The following ACACA variants were observed in gnomAD, a reference collection of about 807,000 sequenced individuals.
The protein encoded by ACACA is acetyl-CoA carboxylase alpha.
A neutral mutation model predicts 296.1 loss-of-function variants in ACACA; 103 were observed. The observed-to-expected ratio is 0.35, with a 90% confidence interval of 0.30 to 0.41. The LOEUF is 0.41. ACACA is among the 10% of genes least tolerant of loss of function. The pLI, the probability that ACACA is intolerant of heterozygous loss-of-function variation, is 1.00. For missense variants in ACACA, 1,554 were observed against 2,989.7 expected (o/e 0.52, Z 11.20); for synonymous variants, 953 against 1,038.6 (o/e 0.92, Z 1.58).
intron 25 of ACACA, among the ~76,000 whole-genome samples, chr17:37,227,542 T>A (rs951335596): frequency 6.6e-6 from 1 of 151,796 alleles, no homozygotes; most frequent in African/African-American, 2.4e-5. Flanking sequence ...TGAGACCCCA[T>A]CTCTAAAAAT....
chr17:37,366,813 T>TGCG (rs1240793406), intron 1 of ACACA: 1 of 151,308 alleles, frequency 6.6e-6, no homozygotes, highest in Non-Finnish European at 1.5e-5. Flanking sequence ...CTGGGCCAGG[T>TGCG]GTGGTGGCTC....
At chr17:37,119,127 G>A (rs1435181230) in intron 50 of ACACA, among the ~76,000 whole-genome samples, 1 of 152,142 alleles carries the variant, frequency 6.6e-6, no homozygotes, top group Non-Finnish European at 1.5e-5. Context: ...AAGGAATTTG[G>A]GATCAAGTGA....
chr17:37,245,090 T>C lies in ACACA; in HGVS notation c.2585A>G (p.Lys862Arg), dbSNP rs2080627127. Residue 862 changes from lysine to arginine, a missense_variant, in exon 20 of 56, where the codon AAG (lysine) becomes AGG (arginine). Lys to Arg is a conservative substitution (Grantham distance 26). Coordinates refer to ENST00000616317, the MANE Select transcript of ACACA (RefSeq NM_198834.3). The part of the protein sequence containing the change: ...LAKMQLDNPS[K>R]VQQAELHTGS... ...CACCTTCCTACTCACCTGCTGAACCTTGCTGGGGTTGTCCAGTTGCATTTT... is the reference window on the plus strand; with the variant it reads ...CACCTTCCTACTCACCTGCTGAACCCTGCTGGGGTTGTCCAGTTGCATTTT... 6.2e-7 allele frequency: 1 copy of C among 1,614,102 alleles called. No homozygotes were observed. Among genetic ancestry groups the C allele is most frequent in the Non-Finnish European group, 8.5e-7 (1 of 1,180,024 alleles).
intron 10 of ACACA, among the ~76,000 whole-genome samples, chr17:37,268,991 T>C (rs1335025718): frequency 6.8e-6 from 1 of 147,468 alleles, no homozygotes. Flanking sequence ...CTTTTTTCTC[T>C]AGACTCTCTG....
At position 37,087,233 on chromosome 17, in the gene ACACA, T is replaced by C. The variant is rs1342045769; in HGVS notation, c.*83A>G. 1 of 1,591,634 alleles carries C rather than the reference T, an allele frequency of 6.3e-7. No homozygotes were observed. Among genetic ancestry groups the C allele is most frequent in the African/African-American group, 1.3e-5 (1 of 74,360 alleles). ...CTCCAGTGCTGGGTCTCCTGTGCCT[T>C]CTCATTACAGTGGTTACAGTTGTAA... On this transcript the variant is annotated 3_prime_UTR_variant, in exon 56 of 56. Coordinates refer to ENST00000616317, the MANE Select transcript of ACACA (RefSeq NM_198834.3).
At chr17:37,105,825 T>A (rs1461769040) in intron 52 of ACACA, among the ~76,000 whole-genome samples, 2 of 149,734 alleles carry the variant, frequency 1.3e-5, no homozygotes, top group Non-Finnish European at 3.0e-5. Context: ...GATCGTGCCA[T>A]TGCACTCCAG....
intron 24 of ACACA, 104 bp from the exon 25 acceptor site, chr17:37,235,203 G>T: frequency 1.4e-6 from 2 of 1,411,432 alleles, no homozygotes; most frequent in Non-Finnish European, 2.0e-6. Context: ...GCAGTGAGAA[G>T]AAACATCATA....
chr17:37,362,728 T>C (rs564685564), intron 1 of ACACA, among the ~76,000 whole-genome samples: 1 of 152,232 alleles, frequency 6.6e-6, no homozygotes, highest in South Asian at 2.1e-4. Flanking sequence ...CCCAGCACTT[T>C]GGGAGGCCGA....
At position 37,275,952 on chromosome 17, in the gene ACACA, A is replaced by G; in HGVS notation, c.900T>C (p.Ser300=). The change falls in exon 8 of 56, where the codon AGT becomes AGC. Residue 300 remains serine (S), a splice_region_variant and synonymous_variant. Transcript: ENST00000616317. ...TACAAACAAGAATTCAGTTCTTACC[A>G]CTGCCGCTCCAGGGAAGAGTTGGGA... is the stretch of plus-strand genomic sequence containing the variant. ...AGIPTLPWSG[S]GLRVDWQEND... The G allele has an allele frequency of 6.2e-7, 1 of 1,613,294 alleles. No homozygotes were observed. Among genetic ancestry groups the G allele is most frequent in the South Asian group, 1.1e-5 (1 of 91,066 alleles).
rs562914013 is a variant in ACACA, at chr17:37,259,264, T to A, written c.1500+96A>T. On this transcript the variant is annotated intron_variant, in intron 12 of 55. Coordinates refer to ENST00000616317, the MANE Select transcript of ACACA (RefSeq NM_198834.3). The stretch of plus-strand genomic sequence containing the variant: ...AAATGACCATTAGGTGTGACTCAGA[T>A]AGGAGGTGCTTTTCTCTTATCACAC... 3.0e-6 allele frequency: 4 copies of A among 1,348,294 alleles called. No individual in the cohort carries two copies. In the Admixed American group the frequency reaches 5.0e-5, roughly 17 times the overall value. 83.5% of individuals were successfully genotyped at this position (1,348,294 alleles called of 1,614,324 possible).
Position 37,240,496 on chromosome 17 carries a change from A to G in ACACA, c.3101T>C (p.Val1034Ala). 1 of 1,613,704 alleles carries G rather than the reference A, an allele frequency of 6.2e-7. No individual in the cohort carries two copies. The highest frequency in any genetic ancestry group is 1.3e-5 in the African/African-American group (1 of 75,004). ...CTTACCATTCTGGAATTGTGTCTCT[A>G]CTCGCAGGTACTGCCGGAGCAGATC... The part of the protein sequence containing the change: ...VMDLLRQYLR[V>A]ETQFQNGHYD... Residue 1034 changes from valine (V) to alanine (A), a missense_variant, in exon 24 of 56, where the codon GTA (valine) becomes GCA (alanine). By Grantham distance (64) the Val-to-Ala change is moderately conservative. This residue lies in a region of ACACA where 316 missense variants were observed against 540.9 expected (regional missense o/e 0.58). Transcript: ENST00000616317.
At chr17:37,203,483 C>T (rs944546070) in intron 33 of ACACA, among the ~76,000 whole-genome samples, 4 of 151,844 alleles carry the variant, frequency 2.6e-5, no homozygotes, top group African/African-American at 9.7e-5. Flanking sequence ...GTGGCTCACG[C>T]TTGTAATCCC....
intron 50 of ACACA, among the ~76,000 whole-genome samples, chr17:37,119,334 G>C (rs2074406519): frequency 6.6e-6 from 1 of 151,704 alleles, no homozygotes; most frequent in African/African-American, 2.4e-5. Context: ...ACTTATTTTT[G>C]TTCTCTGAAG....
intron 52 of ACACA, among the ~76,000 whole-genome samples, chr17:37,100,114 A>G (rs1030982456): frequency 5.3e-5 from 8 of 152,220 alleles, no homozygotes; most frequent in African/African-American, 1.9e-4. Flanking sequence ...GCAGAAGAAC[A>G]ATAAGTGTAG....
intron 41 of ACACA, among the ~76,000 whole-genome samples, chr17:37,174,026 T>A (rs1247200226): frequency 3.0e-3 from 148 of 48,720 alleles, no homozygotes; most frequent in Non-Finnish European, 5.7e-3. Context: ...ATATATTTTT[T>A]TTTTTTTTTT....
At chr17:37,103,434 T>A (rs533885229) in intron 52 of ACACA, among the ~76,000 whole-genome samples, 1 of 152,296 alleles carries the variant, frequency 6.6e-6, no homozygotes, top group East Asian at 1.9e-4. Context: ...TATCTTGAAA[T>A]GGTTTTCTTT....
Position 37,143,995 on chromosome 17 carries a change from G to C in ACACA, c.5679+5869C>G, listed in dbSNP as rs1272184768. The C allele has an allele frequency of 1.1e-5, 9 of 813,332 alleles. No individual in the cohort carries two copies. The Admixed American group carries it at 1.5e-4, about 14-fold the overall frequency. 50.4% of individuals were successfully genotyped at this position (813,332 alleles called of 1,614,324 possible). A position where few individuals can be genotyped will look rare whatever the true frequency, so the allele number is the denominator to read the frequency against. The stretch of plus-strand genomic sequence containing the variant: ...ATACTCAGAATACAACAGGAAGAAC[G>C]CTGAAGGAAGCCTCTTGGGTGCATT... On this transcript the variant is annotated intron_variant, in intron 45 of 55. Coordinates refer to ENST00000616317, the MANE Select transcript of ACACA (RefSeq NM_198834.3).
At chr17:37,284,524 C>A (rs2082684496) in intron 4 of ACACA, among the ~76,000 whole-genome samples, 1 of 152,184 alleles carries the variant, frequency 6.6e-6, no homozygotes, top group African/African-American at 2.4e-5. Context: ...CTCACTGCAA[C>A]CTTGAACTCC....
chr17:37,141,296 A>AT, intron 45 of ACACA: 2 of 530,638 alleles, frequency 3.8e-6, no homozygotes, highest in East Asian at 9.6e-5. Flanking sequence ...TTGGTCATCC[A>AT]TTCCTTGCCC....
Sources: allele counts gnomAD v4.1 joint callset (sites outside exome capture counted in the v4.1 genomes callset), GRCh38; gene constraint gnomAD v4.1.1; regional missense constraint gnomAD v4.1.1; transcripts MANE v1.5; gene names NCBI Gene and HGNC (gene_info 2026-07-23, HGNC 2026-07-21).